The following ZNF250 variants were observed in gnomAD, a reference collection of about 807,000 sequenced individuals.
ZNF250 encodes zinc finger protein 250.
In ZNF250, 13 loss-of-function variants were observed where a neutral mutation model predicts 37.1. That is an observed-to-expected ratio of 0.35 (90% CI 0.23 to 0.56). The LOEUF (loss-of-function observed/expected upper bound fraction) is 0.56. Ranked by LOEUF, ZNF250 falls within the 20% of genes least tolerant of loss-of-function variation. The probability of loss-of-function intolerance (pLI) is 0.87; values close to 1 mark genes in which losing one functional copy is unlikely to be tolerated. For synonymous variants in ZNF250, 251 were observed against 265.6 expected, an observed-to-expected ratio of 0.94 and a Z score of 0.54; for missense variants, 474 against 697.9, an observed-to-expected ratio of 0.68 and a Z score of 3.61.
chr8:144,892,009 A>C (rs1351757831), intron 1 of ZNF250, among the ~76,000 whole-genome samples: 1 of 152,188 alleles, frequency 6.6e-6, no homozygotes, highest in Non-Finnish European at 1.5e-5. Context: ...CTCAAAACAA[A>C]ACAAAAAAAA....
chr8:144,884,291 G>A (rs1226229269), intron 5 of ZNF250, among the ~76,000 whole-genome samples: 2 of 152,044 alleles, frequency 1.3e-5, no homozygotes, highest in African/African-American at 2.4e-5. Flanking sequence ...TTACCCTGTC[G>A]CCCAGGCTGG....
Position 144,880,724 on chromosome 8 carries a change from T to C in ZNF250, c.*791A>G. 1 of 329,000 alleles carries C rather than the reference T, an allele frequency of 3.0e-6. No individual in the cohort carries two copies. The highest frequency in any genetic ancestry group is 6.1e-6 in the Non-Finnish European group (1 of 163,600). The allele number at this position is 329,000 out of a possible 1,614,324, so 20.4% of individuals were successfully genotyped here. A position where few individuals can be genotyped will look rare whatever the true frequency, so the allele number is the denominator to read the frequency against. On this transcript the variant is annotated 3_prime_UTR_variant, in exon 6 of 6. Coordinates refer to ENST00000417550, the MANE Select transcript of ZNF250 (RefSeq NM_001109689.4). ...ACTAAAAATACAAAAATTAGCCAGG[T>C]GTGGTGGCGCATATCTATAATCCTA...
In ZNF250 at chr8:144,877,010, C is replaced by CA. The variant is rs1831168680; in HGVS notation, c.*4504dup. On this transcript the variant is annotated 3_prime_UTR_variant, in exon 6 of 6. Coordinates refer to ENST00000417550, the MANE Select transcript of ZNF250 (RefSeq NM_001109689.4). ...TCAGATTATACACAGAAATTCCAGGCAGACTAAAATGTTTTCCAAAATAAT... is the reference window on the plus strand; with the variant it reads ...TCAGATTATACACAGAAATTCCAGGCAAGACTAAAATGTTTTCCAAAATAAT... 1 of 152,230 alleles carries CA rather than the reference C, an allele frequency of 6.6e-6. No homozygotes were observed. Among genetic ancestry groups the CA allele is most frequent in the Non-Finnish European group, 1.5e-5 (1 of 68,046 alleles). The allele number at this position is 152,230 out of a possible 1,614,324, so 9.4% of individuals were successfully genotyped here.
At position 144,890,284 on chromosome 8, in the gene ZNF250, G is replaced by T; in HGVS notation, c.42+24C>A. ...CCACAGGGCTCGGGCTGGGGGCACT[G>T]CATAAGCACTGGGGACAGCTTACCT... On this transcript the variant is annotated intron_variant, in intron 2 of 5. Coordinates refer to ENST00000417550, the MANE Select transcript of ZNF250 (RefSeq NM_001109689.4). The surrounding 1 kb of genome is among the most constrained non-coding windows in gnomAD (Gnocchi z 5.1). 1 of 1,546,862 alleles carries T rather than the reference G, an allele frequency of 6.5e-7. No individual in the cohort carries two copies. Among genetic ancestry groups the T allele is most frequent in the Non-Finnish European group, 8.8e-7 (1 of 1,141,868 alleles).
rs565651508 is a variant in ZNF250 at position 144,890,926 on chromosome 8, G to C, written c.-54-523C>G. Among the ~76,000 whole-genome samples, 1 of 152,272 alleles carries C rather than the reference G, an allele frequency of 6.6e-6. No individual in the cohort carries two copies. The highest frequency in any genetic ancestry group is 3.4e-3 in the Middle Eastern group (1 of 294). ...CCCTAGTGCCCCAATGTGGCACCAG[G>C]TTCAACCAGGTATTTGAAGGGGAGG... On this transcript the variant is annotated intron_variant, in intron 1 of 5. Coordinates refer to ENST00000417550, the MANE Select transcript of ZNF250 (RefSeq NM_001109689.4). This position sits in a 1 kb window ranked among gnomAD's most constrained non-coding sequence, Gnocchi z 5.1.
intron 5 of ZNF250, among the ~76,000 whole-genome samples, chr8:144,886,521 G>GT (rs1831893497): frequency 6.6e-6 from 1 of 152,160 alleles, no homozygotes; most frequent in African/African-American, 2.4e-5. Flanking sequence ...TAGAATAATG[G>GT]TTTTGGTTGT....
rs373272617 is a variant in ZNF250 at position 144,897,997 on chromosome 8, A to C, written c.-55+3402T>G. Reference sequence around the variant, plus strand: ...CAGCGTGGGCATTATGGCCATCATGAACATTTCACGGTGCTACAGAGATTT... The same window carrying C: ...CAGCGTGGGCATTATGGCCATCATGCACATTTCACGGTGCTACAGAGATTT... On this transcript the variant is annotated intron_variant, in intron 1 of 5. Transcript: ENST00000417550. The surrounding 1 kb of genome is among the most constrained non-coding windows in gnomAD (Gnocchi z 5.2). 3.9e-5 allele frequency among the ~76,000 whole-genome samples: 6 copies of C among 152,334 alleles called. No homozygotes were observed. The East Asian group carries it at 1.2e-3, about 29-fold the overall frequency.
intron 5 of ZNF250, among the ~76,000 whole-genome samples, chr8:144,884,378 A>G: frequency 6.6e-6 from 1 of 152,120 alleles, no homozygotes; most frequent in Admixed American, 6.5e-5. Flanking sequence ...CAGCCTCCCC[A>G]GTGGCTGGGA....
At chr8:144,893,402 C>G (rs556980308) in intron 1 of ZNF250, among the ~76,000 whole-genome samples, 5 of 152,262 alleles carry the variant, frequency 3.3e-5, no homozygotes, top group African/African-American at 1.2e-4. Flanking sequence ...ATGATCTAGG[C>G]TCACTGCAAC....
Position 144,879,589 on chromosome 8 carries a change from T to A in ZNF250, c.*1926A>T, listed in dbSNP as rs1186742472. On this transcript the variant is annotated 3_prime_UTR_variant, in exon 6 of 6. Transcript: ENST00000417550. Reference sequence around the variant, plus strand: ...CTTTAAAACAAACAAAAAGGATCAATATCCTGGTGACTATTTCCTCCCCAC... The same window carrying A: ...CTTTAAAACAAACAAAAAGGATCAAAATCCTGGTGACTATTTCCTCCCCAC... The A allele has an allele frequency of 1.3e-5, 2 of 152,204 alleles. No individual in the cohort carries two copies. Among genetic ancestry groups the A allele is most frequent in the African/African-American group, 4.8e-5 (2 of 41,434 alleles). The allele number at this position is 152,204 out of a possible 1,614,324, so 9.4% of individuals were successfully genotyped here. A position where few individuals can be genotyped will look rare whatever the true frequency, so the allele number is the denominator to read the frequency against.
In ZNF250 at chr8:144,884,885, T is replaced by C. The variant is rs114755231; in HGVS notation, c.346+1955A>G. ...TTTCCATTCTGAAGGTGTAACATCA[T>C]GTCACAGTGGTTTTGATTTCCACTT... On this transcript the variant is annotated intron_variant, in intron 5 of 5. Coordinates refer to ENST00000417550, the MANE Select transcript of ZNF250 (RefSeq NM_001109689.4). 4.9e-3 allele frequency among the ~76,000 whole-genome samples: 749 copies of C among 152,328 alleles called. 9 individuals are homozygous for C. Among genetic ancestry groups the C allele is most frequent in the African/African-American group, 0.017 (722 of 41,584 alleles).
chr8:144,881,694 T>C lies in ZNF250; in HGVS notation c.1489A>G (p.Thr497Ala). 6.2e-7 allele frequency: 1 copy of C among 1,613,964 alleles called. No individual in the cohort carries two copies. Among genetic ancestry groups the C allele is most frequent in the South Asian group, 1.1e-5 (1 of 91,064 alleles). ...TTGCACTCATATGGCTTCTCGCCCGTGTGGGTCCTCAGGTGCACAATCAGA... is the reference window on the plus strand; with the variant it reads ...TTGCACTCATATGGCTTCTCGCCCGCGTGGGTCCTCAGGTGCACAATCAGA... ...ATLIVHLRTH[T>A]GEKPYECNSC... The change falls in exon 6 of 6, where the codon ACG (threonine) becomes GCG (alanine). Residue 497 changes from threonine to alanine, a missense_variant. Thr to Ala is a moderately conservative substitution (Grantham distance 58, BLOSUM62 0). Around this residue, in one of 2 missense-constraint regions of ZNF250, gnomAD observed 282 missense variants for 470.4 expected, o/e 0.60. Coordinates refer to ENST00000417550, the MANE Select transcript of ZNF250 (RefSeq NM_001109689.4).
At position 144,881,371 on chromosome 8, in the gene ZNF250, T is replaced by A; in HGVS notation, c.*144A>T. ...TTTTCCACAGGAACAGCACGCTAAG[T>A]GCTTCTTTCTGGAGTTATTTTGTGA... On this transcript the variant is annotated 3_prime_UTR_variant, in exon 6 of 6. Coordinates refer to ENST00000417550, the MANE Select transcript of ZNF250 (RefSeq NM_001109689.4). 1 of 1,267,566 alleles carries A rather than the reference T, an allele frequency of 7.9e-7. No homozygotes were observed. Among genetic ancestry groups the A allele is most frequent in the Non-Finnish European group, 1.1e-6 (1 of 949,674 alleles). 78.5% of individuals were successfully genotyped at this position (1,267,566 alleles called of 1,614,324 possible).
At position 144,881,915 on chromosome 8, in the gene ZNF250, C is replaced by T; in HGVS notation, c.1268G>A (p.Cys423Tyr). ...TEEKPYACYE[C>Y]GKAFVQHSHL... ...TGAGTGCTGAACGAAGGCCTTCCCA[C>T]ATTCGTAGCATGCATAGGGCTTTTC... The change falls in exon 6 of 6, where the codon TGT becomes TAT. Residue 423 changes from cysteine (C) to tyrosine (Y), a missense_variant. By Grantham distance (194) the Cys-to-Tyr change is radical. This residue lies in a region of ZNF250 where 282 missense variants were observed against 470.4 expected (regional missense o/e 0.60). Coordinates refer to ENST00000417550, the MANE Select transcript of ZNF250 (RefSeq NM_001109689.4). 1.2e-6 allele frequency: 2 copies of T among 1,614,176 alleles called. No homozygotes were observed. The highest frequency in any genetic ancestry group is 1.1e-5 in the South Asian group (1 of 91,074).
At chr8:144,889,837 C>G in intron 3 of ZNF250, 96 bp downstream of exon 3, 1 of 1,496,918 alleles carries the variant, frequency 6.7e-7, no homozygotes, top group Non-Finnish European at 8.9e-7. Context: ...GAGAGCAAAC[C>G]TCCAGGACCA....
rs1163870826 is a variant in ZNF250, at chr8:144,889,686, C to T, written c.178G>A (p.Gly60Arg). 1.2e-6 allele frequency: 2 copies of T among 1,613,668 alleles called. No individual in the cohort carries two copies. The highest frequency in any genetic ancestry group is 1.7e-6 in the Non-Finnish European group (2 of 1,179,822). Residue 60 changes from glycine to arginine, a missense_variant, in exon 4 of 6, where the codon GGA becomes AGA. This residue lies in a region of ZNF250 where 192 missense variants were observed against 227.5 expected (regional missense o/e 0.84). Transcript: ENST00000417550. ...YGNVVSLGLP[G>R]SKPDIISQLE... is the part of the protein sequence containing the mutation. Reference sequence around the variant, plus strand: ...TGGGAGATTATGTCAGGCTTGGATCCTGGAAGTCCTGCTCGTGGGGAGGGA... The same window carrying T: ...TGGGAGATTATGTCAGGCTTGGATCTTGGAAGTCCTGCTCGTGGGGAGGGA...
chr8:144,886,513 G>C (rs1394398821), intron 5 of ZNF250, among the ~76,000 whole-genome samples: 1 of 152,188 alleles, frequency 6.6e-6, no homozygotes. Context: ...CTTGCTTTTA[G>C]AATAATGGTT....
chr8:144,881,873 TGGTGCTGGATCA>T lies in ZNF250; in HGVS notation c.1298_1309del (p.Leu433_His436del). 6.2e-7 allele frequency: 1 copy of T among 1,614,204 alleles called. No individual in the cohort carries two copies. Among genetic ancestry groups the T allele is most frequent in the East Asian group, 2.2e-5 (1 of 44,874 alleles). ...GGGCTTCTCCCCAGTGTGGACTCTC[TGGTGCTGGATCA>T]GGTGTGAGTGCTGAACGAAGGCCTT... On this transcript the variant is annotated inframe_deletion, in exon 6 of 6. Transcript: ENST00000417550.
At chr8:144,893,475 C>T (rs1426434903) in intron 1 of ZNF250, among the ~76,000 whole-genome samples, 4 of 152,146 alleles carry the variant, frequency 2.6e-5, no homozygotes, top group South Asian at 2.1e-4. Context: ...GGACTACAGA[C>T]ACCTGCCTCC....
Sources: allele counts gnomAD v4.1 joint callset (sites outside exome capture counted in the v4.1 genomes callset), GRCh38; gene constraint gnomAD v4.1.1; regional missense constraint gnomAD v4.1.1; non-coding constraint Gnocchi (gnomAD v3.1); transcripts MANE v1.5; gene names NCBI Gene and HGNC (gene_info 2026-07-23, HGNC 2026-07-21).